The following XRCC4 variants were observed in gnomAD, a reference collection of about 807,000 sequenced individuals.
XRCC4 encodes the protein DNA repair protein XRCC4.
XRCC4 carries 28 observed loss-of-function variants against 39.1 expected under a neutral mutation model. The ratio of observed to expected loss-of-function variants is 0.72; its 90% CI spans 0.53 to 0.98. The LOEUF is 0.98. XRCC4 is among the 50% of genes least tolerant of loss of function. The pLI is 0.00. For synonymous variants in XRCC4, 123 were observed against 126.4 expected, an observed-to-expected ratio of 0.97 and a Z score of 0.18; for missense variants, 350 against 376.4, an observed-to-expected ratio of 0.93 and a Z score of 0.58.
At chr5:83,109,088 T>C (rs1746330850) in intron 2 of XRCC4, among the ~76,000 whole-genome samples, 2 of 151,862 alleles carry the variant, frequency 1.3e-5, no homozygotes, top group Admixed American at 6.6e-5. Context: ...TATAAAAATA[T>C]TGGTACCTTG....
At chr5:83,370,998 C>T in the XRCC4 span, among the ~76,000 whole-genome samples, 1 of 152,152 alleles carries the variant, frequency 6.6e-6, no homozygotes, top group Admixed American at 6.6e-5. Flanking sequence ...TCTTGCAAGG[C>T]CTGTCAGCAT....
intron 6 of XRCC4, among the ~76,000 whole-genome samples, chr5:83,229,631 C>G (rs960110914): frequency 3.6e-5 from 5 of 139,168 alleles, no homozygotes; most frequent in Non-Finnish European, 7.7e-5. Context: ...TCCATTAAAA[C>G]TTTATTCCAG....
chr5:83,104,638 C>G (rs1452943006), intron 1 of XRCC4, among the ~76,000 whole-genome samples: 1 of 152,016 alleles, frequency 6.6e-6, no homozygotes, highest in African/African-American at 2.4e-5. Flanking sequence ...TTTTTATCTT[C>G]ATTACTTGGA....
intron 6 of XRCC4, among the ~76,000 whole-genome samples, chr5:83,243,877 A>G (rs1382455426): frequency 6.6e-6 from 1 of 152,168 alleles, no homozygotes; most frequent in African/African-American, 2.4e-5. Context: ...GGCATTCCTA[A>G]TTACAAGCAG....
chr5:83,369,752 C>T, the XRCC4 span, among the ~76,000 whole-genome samples: 22 of 152,200 alleles, frequency 1.4e-4, no homozygotes, highest in Admixed American at 2.6e-4. Flanking sequence ...ATTTACTTTC[C>T]TTTGGGTATA....
intron 7 of XRCC4, among the ~76,000 whole-genome samples, chr5:83,300,208 C>T (rs1005452895): frequency 2.0e-5 from 3 of 152,108 alleles, no homozygotes; most frequent in African/African-American, 7.2e-5. Context: ...TAGATGGTCT[C>T]CTATTAGACT....
At chr5:83,370,205 A>G in the XRCC4 span, among the ~76,000 whole-genome samples, 1 of 152,122 alleles carries the variant, frequency 6.6e-6, no homozygotes, top group African/African-American at 2.4e-5. Context: ...AAATCATATT[A>G]TTGAGAACTA....
intron 3 of XRCC4, among the ~76,000 whole-genome samples, chr5:83,131,787 A>T (rs1358809591): frequency 5.3e-5 from 8 of 151,428 alleles, no homozygotes; most frequent in African/African-American, 1.9e-4. Context: ...TGCACATGAG[A>T]TGGGTCTCCT....
intron 3 of XRCC4, among the ~76,000 whole-genome samples, chr5:83,179,975 G>A (rs1750135518): frequency 6.6e-6 from 1 of 152,174 alleles, no homozygotes; most frequent in East Asian, 1.9e-4. Flanking sequence ...TAGAAAAAGT[G>A]TAAGAATAGT....
At chr5:83,335,755 T>C (rs2112182339) in intron 7 of XRCC4, among the ~76,000 whole-genome samples, 1 of 152,210 alleles carries the variant, frequency 6.6e-6, no homozygotes, top group African/African-American at 2.4e-5. Flanking sequence ...TTATAATTGC[T>C]ACCTCTAATA....
At chr5:83,242,099 T>A (rs201455416) in intron 6 of XRCC4, among the ~76,000 whole-genome samples, 6 of 129,038 alleles carry the variant, frequency 4.6e-5, no homozygotes, top group Non-Finnish European at 8.4e-5. Flanking sequence ...AAAAAAAAAA[T>A]TCACGTATAA....
chr5:83,254,865 T>C (rs531516428), intron 6 of XRCC4, among the ~76,000 whole-genome samples: 5 of 152,024 alleles, frequency 3.3e-5, no homozygotes, highest in Non-Finnish European at 7.4e-5. Context: ...GGTGGGTAGA[T>C]CACCTGAGCT....
chr5:83,342,464 G>T (rs773421800), intron 7 of XRCC4, among the ~76,000 whole-genome samples: 2 of 151,980 alleles, frequency 1.3e-5, no homozygotes, highest in Non-Finnish European at 2.9e-5. Flanking sequence ...TTATTATTCT[G>T]CTGATTTTAT....
At chr5:83,291,243 C>G (rs1580471575) in intron 7 of XRCC4, among the ~76,000 whole-genome samples, 1 of 151,824 alleles carries the variant, frequency 6.6e-6, no homozygotes, top group East Asian at 1.9e-4. Flanking sequence ...GTTTGTGTGA[C>G]TTTGAGCTCC....
intron 3 of XRCC4, among the ~76,000 whole-genome samples, chr5:83,123,324 T>C (rs1401189093): frequency 6.6e-6 from 1 of 152,062 alleles, no homozygotes; most frequent in African/African-American, 2.4e-5. Flanking sequence ...GTCCTGAAAA[T>C]CTACTTTATG....
intron 3 of XRCC4, among the ~76,000 whole-genome samples, chr5:83,144,843 A>C (rs575210588): frequency 1.3e-5 from 2 of 151,948 alleles, no homozygotes; most frequent in African/African-American, 4.8e-5. Context: ...GTTCTTGTTT[A>C]TAGCCTTTAT....
chr5:83,127,932 TTTTGTTAG>T (rs1561345987), intron 3 of XRCC4, among the ~76,000 whole-genome samples: 1 of 151,586 alleles, frequency 6.6e-6, no homozygotes, highest in African/African-American at 2.4e-5. Context: ...TTCTGGCTAG[TTTTGTTAG>T]TTTGTTTGTT....
At position 83,308,391 on chromosome 5, in the gene XRCC4, AGG is replaced by A. The variant is rs879902849; in HGVS notation, c.894-44739_894-44738del. ...TCTTTTCATGAAAAGTTGTGTATGCAGGAATAAGTTAATAACATATTATAAAA... is the reference window on the plus strand; with the variant it reads ...TCTTTTCATGAAAAGTTGTGTATGCAAATAAGTTAATAACATATTATAAAA... On this transcript the variant is annotated intron_variant, in intron 7 of 7. Coordinates refer to ENST00000396027, the MANE Select transcript of XRCC4 (RefSeq NM_003401.5). Among the ~76,000 whole-genome samples, 326 of 152,282 alleles carry A rather than the reference AGG, an allele frequency of 2.1e-3. 2 individuals are homozygous for A. Among genetic ancestry groups the A allele is most frequent in the Non-Finnish European group, 3.5e-3 (239 of 68,004 alleles).
At chr5:83,143,520 C>A (rs1010229697) in intron 3 of XRCC4, among the ~76,000 whole-genome samples, 6 of 152,062 alleles carry the variant, frequency 3.9e-5, no homozygotes, top group African/African-American at 1.2e-4. Context: ...GTTGGTATTT[C>A]CATTTCTTTT....
Sources: gnomAD v4.1 joint callset for allele counts (sites outside exome capture counted in the v4.1 genomes callset) on GRCh38, gnomAD v4.1.1 for gene constraint, MANE v1.5 for transcripts, NCBI Gene and HGNC (gene_info 2026-07-23, HGNC 2026-07-21) for gene names.